Variants in VTI1A observed in about 807,000 individuals in gnomAD.
VTI1A encodes vesicle transport through interaction with t-SNAREs 1A.
VTI1A carries 22 observed loss-of-function variants against 34.9 expected under a neutral mutation model. That is an observed-to-expected ratio of 0.63 (90% CI 0.45 to 0.90). VTI1A has a LOEUF of 0.90. Among genes scored for constraint, VTI1A ranks in the 40% least tolerant of loss-of-function variants. The probability of loss-of-function intolerance (pLI) is 0.00; values close to 1 mark genes in which losing one functional copy is unlikely to be tolerated. For missense variants in VTI1A, 268 were observed against 275.6 expected (o/e 0.97, Z 0.20); for synonymous variants, 87 against 97.3 (o/e 0.89, Z 0.62).
At chr10:112,682,069 T>C (rs946419567) in intron 7 of VTI1A, among the ~76,000 whole-genome samples, 2 of 152,212 alleles carry the variant, frequency 1.3e-5, no homozygotes, top group African/African-American at 4.8e-5. Context: ...ATCTGTTTGT[T>C]CAAGGCCAAG....
rs1209916722 is a variant in VTI1A at position 112,618,489 on chromosome 10, TTATATATA to T, written c.428-49700_428-49693del. ...ATAATGAAATATACAAATGATTATA[TTATATATA>T]TATATATATATATATATATATATAT... On this transcript the variant is annotated intron_variant, in intron 5 of 7. Transcript: ENST00000393077. Among the ~76,000 whole-genome samples the T allele has an allele frequency of 1.6e-3, 122 of 74,354 alleles. 3 individuals carry two copies. The highest frequency in any genetic ancestry group is 1.2e-3 in the South Asian group (2 of 1,700). The allele number at this position is 74,354 out of a possible 152,430, so 48.8% of individuals were successfully genotyped here.
At chr10:112,635,380 A>C (rs1363130224) in intron 5 of VTI1A, among the ~76,000 whole-genome samples, 1 of 152,196 alleles carries the variant, frequency 6.6e-6, no homozygotes, top group African/African-American at 2.4e-5. Context: ...GAGGCATTCC[A>C]GACAGGGAAC....
At chr10:112,736,653 C>A in intron 7 of VTI1A, 1 of 1,544,760 alleles carries the variant, frequency 6.5e-7, no homozygotes, top group Non-Finnish European at 8.8e-7. Context: ...AACAAGTATA[C>A]AAACTAGTGC....
At chr10:112,603,808 G>A (rs184973001) in intron 5 of VTI1A, among the ~76,000 whole-genome samples, 3 of 151,808 alleles carry the variant, frequency 2.0e-5, no homozygotes, top group East Asian at 1.9e-4. Flanking sequence ...CCACCCAAGC[G>A]TACAAGGCCT....
the VTI1A span, among the ~76,000 whole-genome samples, chr10:112,828,976 G>C: frequency 2.6e-5 from 4 of 152,090 alleles, no homozygotes; most frequent in Non-Finnish European, 5.9e-5. Context: ...AGGGTACTAA[G>C]GGACACCCAG....
intron 1 of VTI1A, chr10:112,448,594 A>G (rs1392331575): frequency 6.7e-6 from 1 of 149,510 alleles, no homozygotes; most frequent in Non-Finnish European, 1.5e-5. Flanking sequence ...AGGGTTTTAC[A>G]TTTTTGTTTA....
chr10:112,735,222 T>G (rs543277772), intron 7 of VTI1A, among the ~76,000 whole-genome samples: 1 of 152,274 alleles, frequency 6.6e-6, no homozygotes, highest in Non-Finnish European at 1.5e-5. Flanking sequence ...TTTTGACAAA[T>G]TGCACAGGAG....
chr10:112,522,836 T>C (rs1180998377), intron 3 of VTI1A, among the ~76,000 whole-genome samples: 1 of 152,112 alleles, frequency 6.6e-6, no homozygotes, highest in African/African-American at 2.4e-5. Context: ...ATGGAAAGCA[T>C]TATAAATCTA....
intron 3 of VTI1A, among the ~76,000 whole-genome samples, chr10:112,500,264 G>A (rs1370874001): frequency 2.0e-5 from 3 of 151,868 alleles, no homozygotes; most frequent in Non-Finnish European, 2.9e-5. Flanking sequence ...GTGAGATCCC[G>A]TCTCTACTAC....
chr10:112,849,822 A>G, the VTI1A span, among the ~76,000 whole-genome samples: 1 of 152,184 alleles, frequency 6.6e-6, no homozygotes, highest in Non-Finnish European at 1.5e-5. Flanking sequence ...ATTTCCCTCC[A>G]TCGGATCAGA....
At chr10:112,813,062 T>C (rs1318305134) in intron 7 of VTI1A, among the ~76,000 whole-genome samples, 1 of 152,240 alleles carries the variant, frequency 6.6e-6, no homozygotes, top group African/African-American at 2.4e-5. Context: ...GACTGTGCCA[T>C]GTGCTGGGGT....
At chr10:112,565,865 A>C (rs894331954) in intron 5 of VTI1A, among the ~76,000 whole-genome samples, 10 of 152,158 alleles carry the variant, frequency 6.6e-5, no homozygotes, top group Admixed American at 1.3e-4. Context: ...AATACTTTCA[A>C]AACCTCATTT....
chr10:112,601,614 C>T (rs1401463685), intron 5 of VTI1A, among the ~76,000 whole-genome samples: 1 of 152,056 alleles, frequency 6.6e-6, no homozygotes, highest in Non-Finnish European at 1.5e-5. Flanking sequence ...TGTTTGCTTT[C>T]ATAAGCATGA....
intron 5 of VTI1A, among the ~76,000 whole-genome samples, chr10:112,629,719 G>C (rs1846060666): frequency 6.6e-6 from 1 of 152,226 alleles, no homozygotes; most frequent in Non-Finnish European, 1.5e-5. Context: ...AAGCAGTATT[G>C]AGCTAAGCTT....
At chr10:112,504,310 A>G (rs935360702) in intron 3 of VTI1A, among the ~76,000 whole-genome samples, 1 of 152,190 alleles carries the variant, frequency 6.6e-6, no homozygotes, top group Admixed American at 6.5e-5. Context: ...TTGTTTGTGT[A>G]TCTTTACAGA....
chr10:112,544,317 A>G (rs565441502), intron 5 of VTI1A, among the ~76,000 whole-genome samples: 31 of 152,128 alleles, frequency 2.0e-4, no homozygotes, highest in Middle Eastern at 3.4e-3. Flanking sequence ...TGCAATGTCC[A>G]CCTCCTGGTT....
chr10:112,536,776 A>G (rs1850638301), intron 4 of VTI1A, among the ~76,000 whole-genome samples: 1 of 147,062 alleles, frequency 6.8e-6, no homozygotes, highest in South Asian at 2.3e-4. Flanking sequence ...AAAAATTTCA[A>G]GGAAAGCTTT....
chr10:112,790,843 T>A (rs1451680950), intron 7 of VTI1A, among the ~76,000 whole-genome samples: 2 of 149,532 alleles, frequency 1.3e-5, no homozygotes, highest in Non-Finnish European at 2.9e-5. Flanking sequence ...TAGCTGGAAG[T>A]CCCCTGGTAG....
intron 7 of VTI1A, among the ~76,000 whole-genome samples, chr10:112,673,691 G>C (rs1050413855): frequency 6.6e-6 from 1 of 152,206 alleles, no homozygotes; most frequent in East Asian, 1.9e-4. Flanking sequence ...AGTTACTTTC[G>C]AGTTAGCCTG....
Sources: allele counts gnomAD v4.1 joint callset (sites outside exome capture counted in the v4.1 genomes callset), GRCh38; gene constraint gnomAD v4.1.1; transcripts MANE v1.5; gene names NCBI Gene and HGNC (gene_info 2026-07-23, HGNC 2026-07-21).